Variants in NMNAT1 observed in about 807,000 individuals in gnomAD.
NMNAT1 encodes nicotinamide/nicotinic acid mononucleotide adenylyltransferase 1.
Under a neutral mutation model 16.7 loss-of-function variants are expected in NMNAT1, and 11 were observed. The observed-to-expected ratio is 0.66, with a 90% confidence interval of 0.41 to 1.09. The LOEUF (loss-of-function observed/expected upper bound fraction) is 1.09. Among genes scored for constraint, NMNAT1 ranks in the 50% least tolerant of loss-of-function variants. The pLI is 0.00. For missense variants in NMNAT1, 280 were observed against 332.3 expected (o/e 0.84, Z 1.22); for synonymous variants, 110 against 119.8 (o/e 0.92, Z 0.53).
chr1:9,982,510 A>C lies in NMNAT1; in HGVS notation c.649A>C (p.Ile217Leu). Residue 217 changes from isoleucine (I) to leucine (L), a missense_variant, in exon 5 of 5, where the codon ATC becomes CTC. Ile to Leu is a conservative substitution (Grantham distance 5). Coordinates refer to ENST00000377205, the MANE Select transcript of NMNAT1 (RefSeq NM_022787.4). The stretch of plus-strand genomic sequence containing the variant: ...CAACATTCACGTGGTGAATGAATGG[A>C]TCGCTAATGACATCTCATCCACAAA... ...RSNIHVVNEW[I>L]ANDISSTKIR... 1 of 1,614,132 alleles carries C rather than the reference A, an allele frequency of 6.2e-7. No individual in the cohort carries two copies. Among genetic ancestry groups the C allele is most frequent in the Non-Finnish European group, 8.5e-7 (1 of 1,180,040 alleles).
Position 9,972,008 on chromosome 1 carries a change from TCC to T in NMNAT1, c.-56-9_-56-8del. 1 of 847,106 alleles carries T rather than the reference TCC, an allele frequency of 1.2e-6. No individual in the cohort carries two copies. Among genetic ancestry groups the T allele is most frequent in the Non-Finnish European group, 2.0e-6 (1 of 498,892 alleles). 52.5% of individuals were successfully genotyped at this position (847,106 alleles called of 1,614,324 possible). ...TGCATAACTGAATTTATTTTCTTTT[TCC>T]TTTGTAGACAACAAGGGAGGTGTCA... On this transcript the variant is annotated splice_polypyrimidine_tract_variant and splice_region_variant and intron_variant, in intron 1 of 4. Coordinates refer to ENST00000377205, the MANE Select transcript of NMNAT1 (RefSeq NM_022787.4).
At position 9,972,186 on chromosome 1, in the gene NMNAT1, C is replaced by T. The variant is rs755494458; in HGVS notation, c.113C>T (p.Thr38Ile). 1.0e-5 allele frequency: 16 copies of T among 1,563,036 alleles called. No homozygotes were observed. The South Asian group carries it at 1.8e-4, about 17-fold the overall frequency. ...CTGGCCAAGGACTACATGAATGGAA[C>T]AGGTAGGAGCAGTAACCAAAAGTGG... ...FELAKDYMNG[T>I]GRYTVVKGII... The change falls in exon 2 of 5, where the codon ACA becomes ATA. Residue 38 changes from threonine to isoleucine, a missense_variant and splice_region_variant. Transcript: ENST00000377205.
At chr1:9,957,059 C>T (rs138285069) in intron 1 of NMNAT1, among the ~76,000 whole-genome samples, 17 of 150,940 alleles carry the variant, frequency 1.1e-4, no homozygotes, top group East Asian at 9.8e-4. Flanking sequence ...GGTGGAGTTT[C>T]GCTCTTGTCA....
At chr1:9,960,293 AC>A (rs1380222840) in intron 1 of NMNAT1, among the ~76,000 whole-genome samples, 2 of 127,416 alleles carry the variant, frequency 1.6e-5, no homozygotes, top group African/African-American at 6.1e-5. Context: ...TCTAAAAAAA[AC>A]AAAAACAAAA....
In NMNAT1 at chr1:9,964,929, C is replaced by CAA. The variant is rs775381643; in HGVS notation, c.-56-7070_-56-7069dup. Reference sequence around the variant, plus strand: ...TGCCACTGCACTCCAACCTGGGCGACAAAAAAAAAAAAAAAAAAAAGCTTC... The same window carrying CAA: ...TGCCACTGCACTCCAACCTGGGCGACAAAAAAAAAAAAAAAAAAAAAAGCTTC... On this transcript the variant is annotated intron_variant, in intron 1 of 4. Transcript: ENST00000377205. 3.0e-3 allele frequency among the ~76,000 whole-genome samples: 100 copies of CAA among 33,258 alleles called. 1 individual carries two copies. Among genetic ancestry groups the CAA allele is most frequent in the African/African-American group, 3.7e-3 (40 of 10,938 alleles). The allele number at this position is 33,258 out of a possible 152,430, so 21.8% of individuals were successfully genotyped here. A position where few individuals can be genotyped will look rare whatever the true frequency, so the allele number is the denominator to read the frequency against.
intron 2 of NMNAT1, among the ~76,000 whole-genome samples, chr1:9,973,559 T>G (rs1641735732): frequency 6.6e-6 from 1 of 150,878 alleles, no homozygotes; most frequent in Non-Finnish European, 1.5e-5. Context: ...TACAAAAAAA[T>G]TAGCCGGGCA....
chr1:9,978,516 G>A (rs1444589758), intron 3 of NMNAT1, among the ~76,000 whole-genome samples: 1 of 152,174 alleles, frequency 6.6e-6, no homozygotes, highest in Non-Finnish European at 1.5e-5. Context: ...GGCAGGATTG[G>A]GCACTGAGTC....
chr1:9,980,688 A>G (rs1259541284), intron 3 of NMNAT1, among the ~76,000 whole-genome samples: 1 of 150,994 alleles, frequency 6.6e-6, no homozygotes, highest in African/African-American at 2.4e-5. Flanking sequence ...ATGGAGTCTC[A>G]CTCTGTCGCC....
downstream of NMNAT1, among the ~76,000 whole-genome samples, chr1:9,987,655 ATAAATTAAAT>A (rs563998686): frequency 1.3e-5 from 2 of 151,696 alleles, no homozygotes; most frequent in Admixed American, 6.6e-5. Flanking sequence ...AAATAAATAA[ATAAATTAAAT>A]TAAATTAAAT....
chr1:9,964,505 C>A (rs571912166), intron 1 of NMNAT1, among the ~76,000 whole-genome samples: 1 of 151,596 alleles, frequency 6.6e-6, no homozygotes, highest in East Asian at 2.0e-4. Context: ...GCTAAACCTC[C>A]CAGCTTTCCC....
intron 3 of NMNAT1, among the ~76,000 whole-genome samples, chr1:9,979,174 C>T (rs1308505436): frequency 6.6e-6 from 1 of 152,016 alleles, no homozygotes; most frequent in East Asian, 1.9e-4. Flanking sequence ...TTTGTAATAA[C>T]CAAAATGTTC....
Position 9,975,915 on chromosome 1 carries a change from G to A in NMNAT1, c.299+140G>A. ...ACGTGTGTTGTAAGCCATTCCTGTG[G>A]AAGGTTACTACAAGACTGTAGAGCA... On this transcript the variant is annotated intron_variant, in intron 3 of 4. Transcript: ENST00000377205. 4 of 672,210 alleles carry A rather than the reference G, an allele frequency of 6.0e-6. No individual in the cohort carries two copies. The South Asian group carries it at 7.5e-5, about 13-fold the overall frequency. 41.6% of individuals were successfully genotyped at this position (672,210 alleles called of 1,614,324 possible).
chr1:9,979,997 T>C (rs1641905927), intron 3 of NMNAT1, among the ~76,000 whole-genome samples: 2 of 151,064 alleles, frequency 1.3e-5, no homozygotes. Flanking sequence ...AATAGCGCAA[T>C]CATGGCTCAC....
the NMNAT1 span, among the ~76,000 whole-genome samples, chr1:9,992,859 T>A: frequency 6.6e-6 from 1 of 151,414 alleles, no homozygotes; most frequent in African/African-American, 2.4e-5. Flanking sequence ...TTGCAGTGAG[T>A]GGAGATCGCA....
At chr1:9,946,512 G>T (rs1222517784) in intron 1 of NMNAT1, among the ~76,000 whole-genome samples, 1 of 152,228 alleles carries the variant, frequency 6.6e-6, no homozygotes, top group Admixed American at 6.5e-5. Flanking sequence ...TAGGGAAAAT[G>T]CTGGGACAGA....
intron 1 of NMNAT1, among the ~76,000 whole-genome samples, chr1:9,951,754 C>T (rs749547089): frequency 6.6e-6 from 1 of 152,112 alleles, no homozygotes; most frequent in Admixed American, 6.6e-5. Context: ...GGATTAGAGG[C>T]GTGAGCCACT....
chr1:9,988,728 A>C (rs1208839275), downstream of NMNAT1, among the ~76,000 whole-genome samples: 5 of 117,192 alleles, frequency 4.3e-5, no homozygotes, highest in Non-Finnish European at 9.2e-5. Flanking sequence ...AAAAAAGGGT[A>C]CCTTGATTTT....
chr1:9,986,813 C>T (rs531814955), downstream of NMNAT1, among the ~76,000 whole-genome samples: 1 of 152,108 alleles, frequency 6.6e-6, no homozygotes, highest in South Asian at 2.1e-4. Flanking sequence ...GCACAGGAGG[C>T]GGAGGTTACA....
chr1:9,980,683 G>C (rs148802246), intron 3 of NMNAT1, among the ~76,000 whole-genome samples: 2,716 of 151,104 alleles, frequency 0.018, 77 homozygotes, highest in African/African-American at 0.061. Context: ...TTGAGATGGA[G>C]TCTCACTCTG....
Sources: gnomAD v4.1 joint callset for allele counts (sites outside exome capture counted in the v4.1 genomes callset) on GRCh38, gnomAD v4.1.1 for gene constraint, MANE v1.5 for transcripts, NCBI Gene and HGNC (gene_info 2026-07-23, HGNC 2026-07-21) for gene names.